The following FBXO17 variants were observed in gnomAD, a reference collection of about 807,000 sequenced individuals.
The protein encoded by FBXO17 is F-box protein 17.
A neutral mutation model predicts 34.1 loss-of-function variants in FBXO17; 43 were observed. The observed-to-expected ratio is 1.26, with a 90% CI of 0.99 to 1.62. FBXO17 has a LOEUF of 1.62. Among genes scored for constraint, FBXO17 ranks in the 40% most tolerant of loss-of-function variants. The probability of loss-of-function intolerance (pLI) is 0.00; values close to 1 mark genes in which losing one functional copy is unlikely to be tolerated. For synonymous variants in FBXO17, 169 were observed against 166.0 expected, an observed-to-expected ratio of 1.02 and a Z score of -0.14; for missense variants, 424 against 386.7, an observed-to-expected ratio of 1.10 and a Z score of -0.81.
chr19:38,949,331 C>T (rs549933934), intron 2 of FBXO17, among the ~76,000 whole-genome samples: 15 of 152,208 alleles, frequency 9.9e-5, no homozygotes, highest in African/African-American at 3.6e-4. Context: ...AACTCCTGAC[C>T]TCAAGTGATC....
intron 1 of FBXO17, among the ~76,000 whole-genome samples, chr19:38,951,178 G>A (rs1030471663): frequency 1.3e-5 from 2 of 152,002 alleles, no homozygotes; most frequent in Non-Finnish European, 2.9e-5. Context: ...GCACTCAGAT[G>A]TCTGCAGTGG....
intron 1 of FBXO17, among the ~76,000 whole-genome samples, chr19:38,955,011 A>G (rs2144825061): frequency 6.7e-6 from 1 of 148,400 alleles, no homozygotes; most frequent in South Asian, 2.2e-4. Flanking sequence ...GCTCACTGCA[A>G]GCTCCGCCTC....
chr19:38,965,929 G>A (rs770272927), intron 1 of FBXO17, among the ~76,000 whole-genome samples: 23 of 151,348 alleles, frequency 1.5e-4, no homozygotes, highest in Non-Finnish European at 8.8e-5. Context: ...GGCATGAGCC[G>A]TTGCTCCCAG....
At chr19:38,961,838 T>G (rs1975254316) in intron 1 of FBXO17, among the ~76,000 whole-genome samples, 1 of 151,884 alleles carries the variant, frequency 6.6e-6, no homozygotes, top group Non-Finnish European at 1.5e-5. Context: ...AATTTCTGTA[T>G]TTTTAGTAGA....
chr19:38,959,293 T>G (rs1013050515), intron 1 of FBXO17, among the ~76,000 whole-genome samples: 35 of 149,632 alleles, frequency 2.3e-4, no homozygotes, highest in African/African-American at 8.6e-4. Flanking sequence ...CTTTTTTTTT[T>G]TTTGAGACAG....
chr19:38,974,053 T>C (rs1975428875), intron 1 of FBXO17, among the ~76,000 whole-genome samples: 1 of 148,110 alleles, frequency 6.8e-6, no homozygotes, highest in Admixed American at 6.8e-5. Context: ...TATACACATA[T>C]ATATACACAC....
chr19:38,954,455 A>G (rs575054314), intron 1 of FBXO17, among the ~76,000 whole-genome samples: 1 of 151,260 alleles, frequency 6.6e-6, no homozygotes, highest in Admixed American at 6.6e-5. Flanking sequence ...TTTTTAGTAG[A>G]GACAGGGTTT....
chr19:38,969,240 C>T (rs998375502), intron 1 of FBXO17, among the ~76,000 whole-genome samples: 3 of 151,662 alleles, frequency 2.0e-5, no homozygotes, highest in African/African-American at 7.3e-5. Flanking sequence ...CTTGAGCCCA[C>T]GAGTTCAAGA....
At chr19:38,949,553 A>G (rs1460615660) in intron 2 of FBXO17, among the ~76,000 whole-genome samples, 1 of 146,762 alleles carries the variant, frequency 6.8e-6, no homozygotes, top group African/African-American at 2.5e-5. Flanking sequence ...TTTTTTTGAG[A>G]CAAGGTCTCT....
At chr19:38,965,848 G>T (rs1008629236) in intron 1 of FBXO17, among the ~76,000 whole-genome samples, 4 of 152,006 alleles carry the variant, frequency 2.6e-5, no homozygotes, top group African/African-American at 9.7e-5. Context: ...CACCATGTTG[G>T]GCAGGCTGGT....
chr19:38,955,593 CGTG>C (rs1975156699), intron 1 of FBXO17, among the ~76,000 whole-genome samples: 1 of 150,872 alleles, frequency 6.6e-6, no homozygotes, highest in Non-Finnish European at 1.5e-5. Context: ...AAGTGATTCT[CGTG>C]CCTCAGCCTC....
chr19:38,943,524 C>T (rs531876044), intron 5 of FBXO17, among the ~76,000 whole-genome samples: 1 of 152,190 alleles, frequency 6.6e-6, no homozygotes, highest in South Asian at 2.1e-4. Flanking sequence ...ATCCACCCGC[C>T]ATGGTCTTCC....
chr19:38,961,217 T>C (rs1015518329), intron 1 of FBXO17, among the ~76,000 whole-genome samples: 1 of 152,166 alleles, frequency 6.6e-6, no homozygotes, highest in Non-Finnish European at 1.5e-5. Flanking sequence ...TTTTACTTTA[T>C]TAGTTAAGTT....
Position 38,945,079 on chromosome 19 carries a change from A to T in FBXO17, c.583T>A (p.Cys195Ser). The change falls in exon 5 of 6, where the codon TGC (cysteine) becomes AGC (serine). Residue 195 changes from cysteine to serine, a missense_variant. Cys to Ser is a moderately radical substitution (Grantham distance 112). Coordinates refer to ENST00000292852, the MANE Select transcript of FBXO17 (RefSeq NM_024907.7). The part of the protein sequence containing the change: ...DWWGARENCG[C>S]VYQLRVRLLD... ...AGGCGGACCCGGAGCTGGTAGACGC[A>T]GCCGCAGTTCTCTCGAGCGCCCCAC... The T allele has an allele frequency of 6.2e-7, 1 of 1,614,210 alleles. No homozygotes were observed. Among genetic ancestry groups the T allele is most frequent in the South Asian group, 1.1e-5 (1 of 91,084 alleles).
intron 5 of FBXO17, among the ~76,000 whole-genome samples, chr19:38,943,275 T>C (rs1974921044): frequency 6.6e-6 from 1 of 151,998 alleles, no homozygotes; most frequent in South Asian, 2.1e-4. Context: ...AAACTTTTTA[T>C]TTATTTATTT....
chr19:38,948,694 A>T lies in FBXO17; in HGVS notation c.350-16T>A. 1 of 1,611,082 alleles carries T rather than the reference A, an allele frequency of 6.2e-7. No homozygotes were observed. The highest frequency in any genetic ancestry group is 8.5e-7 in the Non-Finnish European group (1 of 1,177,902). On this transcript the variant is annotated splice_polypyrimidine_tract_variant and intron_variant, in intron 2 of 5. Transcript: ENST00000292852. The stretch of plus-strand genomic sequence containing the variant: ...CTGAAGCCCTCTGTGGGAAAACAAG[A>T]GTTGAACATATGGTTCACCTGCCAG...
chr19:38,948,497 G>T, intron 3 of FBXO17, 70 bp downstream of exon 3: 1 of 1,194,232 alleles, frequency 8.4e-7, no homozygotes, highest in Non-Finnish European at 1.2e-6. Flanking sequence ...TGAGGACAGT[G>T]TGGGGGGTAG....
At position 38,942,146 on chromosome 19, in the gene FBXO17, T is replaced by C. The variant is rs561359285; in HGVS notation, c.*462A>G. 2 of 152,372 alleles carry C rather than the reference T, an allele frequency of 1.3e-5. No homozygotes were observed. The highest frequency in any genetic ancestry group is 1.9e-4 in the East Asian group (1 of 5,180). The allele number at this position is 152,372 out of a possible 1,614,324, so 9.4% of individuals were successfully genotyped here. On this transcript the variant is annotated 3_prime_UTR_variant, in exon 6 of 6. Transcript: ENST00000292852. Reference sequence around the variant, plus strand: ...CAGCCTGGTTTGTCACACAGCATGATGGCCACCACACTGAAGCAGCAGCAA... The same window carrying C: ...CAGCCTGGTTTGTCACACAGCATGACGGCCACCACACTGAAGCAGCAGCAA...
intron 1 of FBXO17, among the ~76,000 whole-genome samples, chr19:38,970,922 G>A (rs1249122769): frequency 6.6e-6 from 1 of 151,912 alleles, no homozygotes; most frequent in Non-Finnish European, 1.5e-5. Context: ...TCAACATAGT[G>A]AAACCCATCT....
Sources: gnomAD v4.1 joint callset for allele counts (sites outside exome capture counted in the v4.1 genomes callset) on GRCh38, gnomAD v4.1.1 for gene constraint, MANE v1.5 for transcripts, NCBI Gene and HGNC (gene_info 2026-07-23, HGNC 2026-07-21) for gene names.